The following IMPA1 variants were observed in gnomAD, a reference collection of about 807,000 sequenced individuals.
IMPA1 encodes the protein D-galactose 1-phosphate phosphatase.
In IMPA1, 21 loss-of-function variants were observed where a neutral mutation model predicts 34.9. That is an observed-to-expected ratio of 0.60 (90% CI 0.43 to 0.87). The LOEUF is 0.87. IMPA1 is among the 40% of genes least tolerant of loss of function. The probability of loss-of-function intolerance (pLI) is 0.00; values close to 1 mark genes in which losing one functional copy is unlikely to be tolerated. For synonymous variants in IMPA1, 95 were observed against 104.4 expected, an observed-to-expected ratio of 0.91 and a Z score of 0.55; for missense variants, 299 against 336.4, an observed-to-expected ratio of 0.89 and a Z score of 0.87.
intron 4 of IMPA1, among the ~76,000 whole-genome samples, chr8:81,676,695 A>ATTTT (rs1191198846): frequency 6.6e-6 from 1 of 152,116 alleles, no homozygotes; most frequent in Non-Finnish European, 1.5e-5. Context: ...ATGTAAAAAT[A>ATTTT]TTTTTTCATG....
At chr8:81,667,196 T>C (rs557589597) in intron 7 of IMPA1, among the ~76,000 whole-genome samples, 102 of 152,146 alleles carry the variant, frequency 6.7e-4, no homozygotes, top group Non-Finnish European at 1.2e-3. Flanking sequence ...TAGGGAATTA[T>C]ACTATTTTTC....
chr8:81,680,684 T>G lies in IMPA1; in HGVS notation c.163A>C (p.Ile55Leu), dbSNP rs770237093. ...ATDQKVEKML[I>L]SSIKEKYPSH... is the part of the protein sequence containing the mutation. The stretch of plus-strand genomic sequence containing the variant: ...GGATACTTTTCCTTTATGGAAGAGA[T>G]AAGCATTTTTTCAACTTTTTGGTCC... Residue 55 changes from isoleucine (I) to leucine (L), a missense_variant, in exon 3 of 9, where the codon ATC becomes CTC. By Grantham distance (5) the Ile-to-Leu change is conservative. Transcript: ENST00000256108. 1 of 1,612,640 alleles carries G rather than the reference T, an allele frequency of 6.2e-7. No homozygotes were observed. The highest frequency in any genetic ancestry group is 1.1e-5 in the South Asian group (1 of 90,984).
intron 5 of IMPA1, chr8:81,674,706 C>T (rs1807080711): frequency 1.3e-5 from 5 of 395,342 alleles, no homozygotes; most frequent in East Asian, 7.9e-5. Flanking sequence ...TTTTTTCTTC[C>T]TTCTCCCATT....
intron 2 of IMPA1, 113 bp downstream of exon 2, chr8:81,681,385 A>C: frequency 1.5e-6 from 1 of 677,118 alleles, no homozygotes. Flanking sequence ...GGTGACAAGC[A>C]AGACCGTTTC....
chr8:81,660,689 T>A lies in IMPA1; in HGVS notation c.567-22A>T, dbSNP rs1424458161. The A allele has an allele frequency of 8.3e-6, 13 of 1,571,960 alleles. No individual in the cohort carries two copies. The Admixed American group carries it at 1.5e-4, about 18-fold the overall frequency. On this transcript the variant is annotated intron_variant, in intron 7 of 8. Coordinates refer to ENST00000256108, the MANE Select transcript of IMPA1 (RefSeq NM_005536.4). ...GATCCTAACAAATAGAATTTAGAAA[T>A]AAAATTGGAAAAAATAATCCTTTCA...
At chr8:81,681,390 C>G (rs1807295431) in intron 2 of IMPA1, 108 bp downstream of exon 2, 4 of 691,512 alleles carry the variant, frequency 5.8e-6, no homozygotes, top group Non-Finnish European at 1.0e-5. Flanking sequence ...CAAGCAAGAC[C>G]GTTTCAAAAA....
chr8:81,657,035 TTAAGTC>T lies in IMPA1; in HGVS notation c.*2310_*2315del, dbSNP rs1806538024. Among the ~76,000 whole-genome samples the T allele has an allele frequency of 6.6e-6, 1 of 152,216 alleles. No individual in the cohort carries two copies. The highest frequency in any genetic ancestry group is 2.4e-5 in the African/African-American group (1 of 41,458). On this transcript the variant is annotated 3_prime_UTR_variant, in exon 9 of 9. Coordinates refer to ENST00000256108, the MANE Select transcript of IMPA1 (RefSeq NM_005536.4). Reference sequence around the variant, plus strand: ...TATACCCTGATACAAAATATACATGTTAAGTCTAAGAAGTCCTGTTACTCAAAGAAA... The same window carrying T: ...TATACCCTGATACAAAATATACATGTTAAGAAGTCCTGTTACTCAAAGAAA...
At chr8:81,683,242 G>GC (rs1273850891) in intron 1 of IMPA1, among the ~76,000 whole-genome samples, 1 of 152,168 alleles carries the variant, frequency 6.6e-6, no homozygotes, top group African/African-American at 2.4e-5. Context: ...CTACAGGGGG[G>GC]CCTTAGGGAT....
chr8:81,670,573 A>G (rs1806957011), intron 7 of IMPA1, among the ~76,000 whole-genome samples: 1 of 152,220 alleles, frequency 6.6e-6, no homozygotes, highest in African/African-American at 2.4e-5. Flanking sequence ...ACAGACTTCT[A>G]TGCAAATAAT....
intron 5 of IMPA1, among the ~76,000 whole-genome samples, chr8:81,675,119 A>G (rs943090507): frequency 1.3e-5 from 2 of 152,124 alleles, no homozygotes; most frequent in Non-Finnish European, 2.9e-5. Context: ...AGCAAGGCCA[A>G]ACTAACCTTT....
At chr8:81,682,681 A>C (rs987268663) in intron 1 of IMPA1, among the ~76,000 whole-genome samples, 4 of 152,078 alleles carry the variant, frequency 2.6e-5, no homozygotes, top group Non-Finnish European at 5.9e-5. Context: ...TCTTAACAGA[A>C]CTAGATGTTC....
At chr8:81,684,548 T>TATATATATGTGTA (rs1563592447) in intron 1 of IMPA1, among the ~76,000 whole-genome samples, 1 of 112,786 alleles carries the variant, frequency 8.9e-6, no homozygotes, top group East Asian at 6.0e-4. Flanking sequence ...CACATAAGTA[T>TATATATATGTGTA]CTTTAGATAC....
At chr8:81,685,277 G>A in intron 1 of IMPA1, among the ~76,000 whole-genome samples, 2 of 127,202 alleles carry the variant, frequency 1.6e-5, no homozygotes, top group Admixed American at 8.2e-5. Flanking sequence ...ACTATATATA[G>A]TATATATAGT....
At chr8:81,669,822 A>G (rs7016327) in intron 7 of IMPA1, among the ~76,000 whole-genome samples, 15,889 of 152,252 alleles carry the variant, frequency 0.1, 958 homozygotes, top group South Asian at 0.13. Flanking sequence ...TCTCCAATCT[A>G]GCAGTACTGA....
Position 81,674,155 on chromosome 8 carries a change from G to A in IMPA1, c.349-206C>T, listed in dbSNP as rs558424491. 52 of 472,290 alleles carry A rather than the reference G, an allele frequency of 1.1e-4. 1 individual carries two copies. Among genetic ancestry groups the A allele is most frequent in the African/African-American group, 8.4e-4 (43 of 51,410 alleles). 29.3% of individuals were successfully genotyped at this position (472,290 alleles called of 1,614,324 possible). On this transcript the variant is annotated intron_variant, in intron 5 of 8. Coordinates refer to ENST00000256108, the MANE Select transcript of IMPA1 (RefSeq NM_005536.4). ...TATCCTTGACTCTCCTCCCATCCAA[G>A]TCCAGATCTAAGAACACCCACCTTA...
rs529092231 is a variant in IMPA1, at chr8:81,686,072, C to G, written c.-25+180G>C. On this transcript the variant is annotated intron_variant, in intron 1 of 8. Transcript: ENST00000256108. Reference sequence around the variant, plus strand: ...GCTACTCCAATGCCGGAACTGTTCCCGGTCGCCCAGGGCAGCTCCGGATAA... The same window carrying G: ...GCTACTCCAATGCCGGAACTGTTCCGGGTCGCCCAGGGCAGCTCCGGATAA... The G allele has an allele frequency of 6.3e-5, 65 of 1,035,836 alleles. 1 individual carries two copies. Among genetic ancestry groups the G allele is most frequent in the Non-Finnish European group, 7.8e-5 (60 of 767,924 alleles). The allele number at this position is 1,035,836 out of a possible 1,614,324, so 64.2% of individuals were successfully genotyped here. A position where few individuals can be genotyped will look rare whatever the true frequency, so the allele number is the denominator to read the frequency against.
chr8:81,676,233 C>G lies in IMPA1; in HGVS notation c.348+1G>C. On this transcript the variant is annotated splice_donor_variant, in intron 5 of 8. Transcript: ENST00000256108. LOFTEE classifies it high-confidence loss of function. ...TCAACTATACGTTTAAAAAATCATA[C>G]CTTTTTATTTACAGCAAAGCCAATT... 1 of 1,325,634 alleles carries G rather than the reference C, an allele frequency of 7.5e-7. No homozygotes were observed. The highest frequency in any genetic ancestry group is 1.4e-5 in the South Asian group (1 of 69,886). The allele number at this position is 1,325,634 out of a possible 1,614,324, so 82.1% of individuals were successfully genotyped here.
rs1024558108 is a variant in IMPA1 at position 81,682,186 on chromosome 8, C to T, written c.-24-602G>A. ...AATAAGAAAAAAGCAAATTTATTTC[C>T]CTGAGTTTCACAGAGGGAAAAAAAA... On this transcript the variant is annotated intron_variant, in intron 1 of 8. Transcript: ENST00000256108. Among the ~76,000 whole-genome samples, 3 of 151,322 alleles carry T rather than the reference C, an allele frequency of 2.0e-5. No individual in the cohort carries two copies. In the East Asian group the frequency reaches 5.8e-4, roughly 29 times the overall value.
intron 7 of IMPA1, 31 bp downstream of exon 7, chr8:81,670,906 AAG>A (rs1806968791): frequency 4.4e-6 from 5 of 1,142,740 alleles, no homozygotes; most frequent in Admixed American, 2.6e-5. Flanking sequence ...CACGTATACA[AAG>A]AGAGAGATAG....
Sources: gnomAD v4.1 joint callset for allele counts (sites outside exome capture counted in the v4.1 genomes callset) on GRCh38, gnomAD v4.1.1 for gene constraint, MANE v1.5 for transcripts, NCBI Gene and HGNC (gene_info 2026-07-23, HGNC 2026-07-21) for gene names.